DIAPH2: variants seen among roughly 807,000 people sequenced by gnomAD.
DIAPH2 encodes diaphanous related formin 2.
In DIAPH2, 35 loss-of-function variants were observed where a neutral mutation model predicts 92.7. That is an observed-to-expected ratio of 0.38 (90% CI 0.29 to 0.50). DIAPH2 has a LOEUF of 0.50. Among genes scored for constraint, DIAPH2 ranks in the 20% least tolerant of loss-of-function variants. The pLI is 0.94. For missense variants in DIAPH2, 701 were observed against 819.5 expected (o/e 0.86, Z 1.77); for synonymous variants, 301 against 280.4 (o/e 1.07, Z -0.73).
intron 26 of DIAPH2, among the ~76,000 whole-genome samples, chrX:97,584,078 C>T (rs960800850): frequency 7.1e-5 from 8 of 112,579 alleles, no homozygotes; most frequent in African/African-American, 2.6e-4. Context: ...CTGTCTGGCA[C>T]TCCCTAGTGA....
At chrX:97,271,938 G>A (rs1408071885) in intron 23 of DIAPH2, among the ~76,000 whole-genome samples, 2 of 110,018 alleles carry the variant, frequency 1.8e-5, no homozygotes, top group African/African-American at 6.6e-5. Context: ...TGTAGTCTAT[G>A]AAAACTTGTA....
chrX:97,300,142 G>A (rs1016879728), intron 23 of DIAPH2, among the ~76,000 whole-genome samples: 2 of 112,221 alleles, frequency 1.8e-5, no homozygotes, highest in Non-Finnish European at 3.8e-5. Flanking sequence ...TATGCTGTTT[G>A]TAGAGAAATC....
intron 9 of DIAPH2, among the ~76,000 whole-genome samples, chrX:96,919,647 T>C (rs1038437827): frequency 4.5e-5 from 5 of 111,336 alleles, no homozygotes; most frequent in Non-Finnish European, 9.4e-5. Context: ...ATTTTTTGTA[T>C]TATGTATTTT....
chrX:97,154,709 G>C (rs986434679), intron 22 of DIAPH2, among the ~76,000 whole-genome samples: 1 of 111,562 alleles, frequency 9.0e-6, no homozygotes, highest in African/African-American at 3.3e-5. Context: ...AACGCTATTC[G>C]TATGAGGAAC....
At chrX:96,734,400 A>T (rs1165927847) in intron 1 of DIAPH2, among the ~76,000 whole-genome samples, 3 of 111,617 alleles carry the variant, frequency 2.7e-5, no homozygotes, top group Non-Finnish European at 5.7e-5. Context: ...ATACTTTGTC[A>T]TTTTCTCTCT....
intron 26 of DIAPH2, among the ~76,000 whole-genome samples, chrX:97,480,648 T>C (rs1286882147): frequency 9.0e-6 from 1 of 111,275 alleles, no homozygotes; most frequent in Non-Finnish European, 1.9e-5. Flanking sequence ...TTAAGATCTT[T>C]GGAGCAACTC....
intron 5 of DIAPH2, among the ~76,000 whole-genome samples, chrX:96,908,144 G>A (rs1436048450): frequency 1.8e-5 from 2 of 111,418 alleles, no homozygotes; most frequent in African/African-American, 6.5e-5. Context: ...GGGAATAAGG[G>A]AATATTTTAG....
Position 96,858,628 on chromosome X carries a change from A to C in DIAPH2, c.448-22951A>C, listed in dbSNP as rs753911111. On this transcript the variant is annotated intron_variant, in intron 4 of 26. Transcript: ENST00000324765. ...ATAATGCCAAGTTAGCTAGTGTTCA[A>C]GTCAGGTTCCTGGCCCAGCAAGGGA... 7.1e-5 allele frequency among the ~76,000 whole-genome samples: 8 copies of C among 112,019 alleles called. No individual in the cohort carries two copies. The East Asian group carries it at 2.2e-3, about 31-fold the overall frequency.
At chrX:96,744,852 A>G (rs1035523727) in intron 3 of DIAPH2, among the ~76,000 whole-genome samples, 1 of 111,078 alleles carries the variant, frequency 9.0e-6, no homozygotes, top group African/African-American at 3.3e-5. Context: ...GATGGCTCTT[A>G]TGACAATCTT....
At chrX:97,044,612 T>C (rs930987408) in intron 17 of DIAPH2, among the ~76,000 whole-genome samples, 3 of 111,287 alleles carry the variant, frequency 2.7e-5, no homozygotes, top group Admixed American at 9.6e-5. Flanking sequence ...TGTGCCCTGG[T>C]TCCCATTCCT....
intron 22 of DIAPH2, among the ~76,000 whole-genome samples, chrX:97,227,062 G>A (rs751754892): frequency 9.0e-6 from 1 of 110,625 alleles, no homozygotes; most frequent in African/African-American, 3.3e-5. Flanking sequence ...CCTGAGGTCA[G>A]GAGTTTAAGA....
intron 4 of DIAPH2, among the ~76,000 whole-genome samples, chrX:96,875,568 A>G (rs1195267799): frequency 1.8e-5 from 2 of 111,339 alleles, no homozygotes. Context: ...AATTTGCGGT[A>G]TATTCTCTTG....
At chrX:96,745,976 A>G (rs944227417) in intron 3 of DIAPH2, among the ~76,000 whole-genome samples, 5 of 112,103 alleles carry the variant, frequency 4.5e-5, no homozygotes, top group African/African-American at 1.6e-4. Context: ...CATGGGTCAC[A>G]GCAGCCTCAA....
chrX:97,347,310 C>G (rs1602525190), intron 23 of DIAPH2, among the ~76,000 whole-genome samples: 2 of 108,864 alleles, frequency 1.8e-5, no homozygotes, highest in East Asian at 5.8e-4. Context: ...AGGCTGGCCT[C>G]AAACTCCTGA....
intron 23 of DIAPH2, among the ~76,000 whole-genome samples, chrX:97,282,467 G>A (rs1331258746): frequency 2.7e-5 from 3 of 110,520 alleles, no homozygotes; most frequent in African/African-American, 9.9e-5. Context: ...CTGCCACCAC[G>A]CCCAGCTAAT....
intron 22 of DIAPH2, among the ~76,000 whole-genome samples, chrX:97,209,352 C>T (rs1486470633): frequency 9.0e-6 from 1 of 110,655 alleles, no homozygotes; most frequent in African/African-American, 3.3e-5. Flanking sequence ...AGAGGGATAG[C>T]AAGAACTGCT....
intron 17 of DIAPH2, among the ~76,000 whole-genome samples, chrX:96,982,867 C>T (rs1012057406): frequency 3.6e-5 from 4 of 111,689 alleles, no homozygotes; most frequent in Non-Finnish European, 7.5e-5. Flanking sequence ...CATTTCCGGG[C>T]ATAAACTGAA....
At chrX:96,902,235 T>A (rs1214221128) in intron 5 of DIAPH2, among the ~76,000 whole-genome samples, 2 of 112,327 alleles carry the variant, frequency 1.8e-5, no homozygotes, top group Non-Finnish European at 3.8e-5. Context: ...TTCCATGTGC[T>A]GATGCGAAGA....
intron 26 of DIAPH2, among the ~76,000 whole-genome samples, chrX:97,457,869 C>A (rs919808920): frequency 1.8e-5 from 2 of 111,759 alleles, no homozygotes; most frequent in East Asian, 5.6e-4. Context: ...GGGAACGAGC[C>A]CTTATCAGAT....
Sources: allele counts gnomAD v4.1 joint callset (sites outside exome capture counted in the v4.1 genomes callset), GRCh38; gene constraint gnomAD v4.1.1; transcripts MANE v1.5; gene names NCBI Gene and HGNC (gene_info 2026-07-23, HGNC 2026-07-21).